The following POC1A variants were observed in gnomAD, a reference collection of about 807,000 sequenced individuals.
POC1A encodes the protein POC1 centriolar protein homolog A.
POC1A carries 34 observed loss-of-function variants against 47.8 expected under a neutral mutation model. That is an observed-to-expected ratio of 0.71 (90% confidence interval 0.54 to 0.95). The LOEUF is 0.95. Ranked by LOEUF, POC1A falls within the 40% of genes least tolerant of loss-of-function variation. POC1A has a pLI of 0.00. For missense variants in POC1A, 466 were observed against 528.3 expected (o/e 0.88, Z 1.16); for synonymous variants, 177 against 207.6 (o/e 0.85, Z 1.27).
intron 7 of POC1A, among the ~76,000 whole-genome samples, chr3:52,132,997 G>A (rs750401454): frequency 2.0e-5 from 3 of 151,550 alleles, no homozygotes; most frequent in African/African-American, 4.9e-5. Flanking sequence ...AGTGAGCCGA[G>A]TTCACGCCAC....
chr3:52,104,294 G>A (rs1012900481), intron 9 of POC1A, among the ~76,000 whole-genome samples: 1 of 152,180 alleles, frequency 6.6e-6, no homozygotes, highest in African/African-American at 2.4e-5. Flanking sequence ...ACAGAAAGCA[G>A]ATTAATGATT....
At chr3:52,118,901 G>T (rs1185835978) in intron 9 of POC1A, among the ~76,000 whole-genome samples, 7 of 152,058 alleles carry the variant, frequency 4.6e-5, no homozygotes, top group African/African-American at 1.4e-4. Flanking sequence ...CCAAACCACT[G>T]ACCAGATATT....
chr3:52,095,856 C>T (rs1357710186), intron 10 of POC1A, among the ~76,000 whole-genome samples: 2 of 152,252 alleles, frequency 1.3e-5, no homozygotes, highest in Admixed American at 1.3e-4. Flanking sequence ...TGGCCACCAC[C>T]TCTTGTCAAG....
intron 3 of POC1A, 45 bp downstream of exon 3, chr3:52,149,771 C>T (rs371731664): frequency 1.9e-6 from 3 of 1,578,792 alleles, no homozygotes; most frequent in South Asian, 1.2e-5. Flanking sequence ...GCTCTGGCAC[C>T]AGGGCCCCAG....
At chr3:52,086,796 G>A (rs1052158386) in intron 10 of POC1A, among the ~76,000 whole-genome samples, 1 of 152,240 alleles carries the variant, frequency 6.6e-6, no homozygotes, top group Non-Finnish European at 1.5e-5. Context: ...CGAGCAGCCT[G>A]TGGACATCAG....
chr3:52,096,726 GAA>G lies in POC1A; in HGVS notation c.982-16_982-15del. The G allele has an allele frequency of 4.5e-6, 7 of 1,565,182 alleles. No individual in the cohort carries two copies. Among genetic ancestry groups the G allele is most frequent in the Non-Finnish European group, 6.0e-6 (7 of 1,161,950 alleles). On this transcript the variant is annotated splice_polypyrimidine_tract_variant and intron_variant, in intron 9 of 10. Coordinates refer to ENST00000296484, the MANE Select transcript of POC1A (RefSeq NM_015426.5). ...GTCCACTTCTGGCTAAAGACAGAAA[GAA>G]AAAAGTTCCTCAGTCTATCCAGTGC...
intron 1 of POC1A, among the ~76,000 whole-genome samples, chr3:52,151,610 CAAAA>C (rs575884047): frequency 1.8e-5 from 1 of 55,824 alleles, no homozygotes; most frequent in African/African-American, 6.1e-5. Flanking sequence ...GACTCCGTCT[CAAAA>C]AAAAAAAAAA....
chr3:52,147,152 A>T, intron 4 of POC1A, 57 bp from the exon 5 acceptor site: 1 of 1,334,102 alleles, frequency 7.5e-7, no homozygotes, highest in Non-Finnish European at 1.1e-6. Flanking sequence ...TGGGCACCAC[A>T]CACCTTCTTC....
chr3:52,127,229 C>G (rs1433595174), intron 7 of POC1A, among the ~76,000 whole-genome samples: 1 of 152,188 alleles, frequency 6.6e-6, no homozygotes. Context: ...GGCTGTGTGG[C>G]CCCTGCTCAT....
rs143412783 is a variant in POC1A at position 52,079,443 on chromosome 3, G to A, written c.1126-3458C>T. ...GAGCGCTCTGCAGGCAAATACCTCTGCGGCCTCCCCGGGTCCACACTCCAT... is the reference window on the plus strand; with the variant it reads ...GAGCGCTCTGCAGGCAAATACCTCTACGGCCTCCCCGGGTCCACACTCCAT... On this transcript the variant is annotated intron_variant, in intron 10 of 10. Transcript: ENST00000296484. This position sits in a 1 kb window ranked among gnomAD's most constrained non-coding sequence, Gnocchi z 4.6. Among the ~76,000 whole-genome samples, 10 of 152,356 alleles carry A rather than the reference G, an allele frequency of 6.6e-5. No homozygotes were observed. The South Asian group carries it at 1.0e-3, about 16-fold the overall frequency.
At chr3:52,087,599 A>G (rs1702505335) in intron 10 of POC1A, among the ~76,000 whole-genome samples, 1 of 152,226 alleles carries the variant, frequency 6.6e-6, no homozygotes, top group Non-Finnish European at 1.5e-5. Flanking sequence ...ACTATTTTCT[A>G]TTAGTGGATT....
chr3:52,150,051 T>C, intron 2 of POC1A, 64 bp from the exon 3 acceptor site: 3 of 1,440,272 alleles, frequency 2.1e-6, no homozygotes, highest in South Asian at 1.2e-5. Flanking sequence ...CACCAAGACA[T>C]TGGAGAGGCA....
intron 9 of POC1A, among the ~76,000 whole-genome samples, chr3:52,115,982 C>T (rs1703549475): frequency 6.6e-6 from 1 of 152,092 alleles, no homozygotes; most frequent in Admixed American, 6.5e-5. Context: ...CACAATATAC[C>T]AGGTAACAAA....
At chr3:52,112,744 G>A (rs1450586112) in intron 9 of POC1A, among the ~76,000 whole-genome samples, 1 of 152,126 alleles carries the variant, frequency 6.6e-6, no homozygotes, top group Non-Finnish European at 1.5e-5. Context: ...GGCTGCGAGG[G>A]ACACTGATTT....
intron 6 of POC1A, among the ~76,000 whole-genome samples, chr3:52,139,323 C>T (rs1161314785): frequency 2.0e-5 from 3 of 152,206 alleles, no homozygotes. Flanking sequence ...CCTGCCACTT[C>T]ACCCACTCAA....
intron 10 of POC1A, among the ~76,000 whole-genome samples, chr3:52,083,278 G>C (rs1702358373): frequency 6.6e-6 from 1 of 152,134 alleles, no homozygotes; most frequent in Non-Finnish European, 1.5e-5. Flanking sequence ...AGAGGAGGTG[G>C]GAGCATAGTG....
intron 9 of POC1A, among the ~76,000 whole-genome samples, chr3:52,104,869 T>A (rs530763336): frequency 1.3e-5 from 2 of 152,194 alleles, no homozygotes; most frequent in African/African-American, 4.8e-5. Context: ...TGTACACAGC[T>A]TGGCAGTCAG....
At chr3:52,144,544 T>C (rs918580833) in intron 6 of POC1A, among the ~76,000 whole-genome samples, 2 of 152,120 alleles carry the variant, frequency 1.3e-5, no homozygotes, top group African/African-American at 4.8e-5. Flanking sequence ...GACAGTGTCA[T>C]TGTCATCATC....
At position 52,090,136 on chromosome 3, in the gene POC1A, G is replaced by T. The variant is rs1041125241; in HGVS notation, c.1125+6433C>A. 2.0e-5 allele frequency among the ~76,000 whole-genome samples: 3 copies of T among 152,174 alleles called. No individual in the cohort carries two copies. The highest frequency in any genetic ancestry group is 7.2e-5 in the African/African-American group (3 of 41,414). ...GAGACCCAAACAAGCAGGGCTGGTGGGCTTGCTCCCTGCCTGCTCCCCACC... is the reference window on the plus strand; with the variant it reads ...GAGACCCAAACAAGCAGGGCTGGTGTGCTTGCTCCCTGCCTGCTCCCCACC... On this transcript the variant is annotated intron_variant, in intron 10 of 10. Coordinates refer to ENST00000296484, the MANE Select transcript of POC1A (RefSeq NM_015426.5). This position sits in a 1 kb window ranked among gnomAD's most constrained non-coding sequence, Gnocchi z 4.2.
Sources: allele counts gnomAD v4.1 joint callset (sites outside exome capture counted in the v4.1 genomes callset), GRCh38; gene constraint gnomAD v4.1.1; non-coding constraint Gnocchi (gnomAD v3.1); transcripts MANE v1.5; gene names NCBI Gene and HGNC (gene_info 2026-07-23, HGNC 2026-07-21).